Variants in AKAP13 observed in about 807,000 individuals in gnomAD.
The protein encoded by AKAP13 is A-kinase anchoring protein 13, also known as A-kinase anchor protein 13.
In AKAP13, 80 loss-of-function variants were observed where a neutral mutation model predicts 264.5. That is an observed-to-expected ratio of 0.30 (90% confidence interval 0.25 to 0.36). AKAP13 has a LOEUF of 0.36. Among genes scored for constraint, AKAP13 ranks in the 10% least tolerant of loss-of-function variants. The probability of loss-of-function intolerance (pLI) is 1.00; values close to 1 mark genes in which losing one functional copy is unlikely to be tolerated. For synonymous variants in AKAP13, 1,380 were observed against 1,250.2 expected (o/e 1.10, Z -2.19); for missense variants, 3,712 against 3,435.2 (o/e 1.08, Z -2.01).
chr15:85,744,142 T>C (rs1405943934), intron 36 of AKAP13: 2 of 357,402 alleles, frequency 5.6e-6, no homozygotes, highest in African/African-American at 2.1e-5. Context: ...AGAGTAGTCA[T>C]TGGTAACAGC....
chr15:85,438,331 T>C (rs1009106871), intron 1 of AKAP13, among the ~76,000 whole-genome samples: 8 of 147,906 alleles, frequency 5.4e-5, no homozygotes, highest in African/African-American at 2.0e-4. Flanking sequence ...TACAAACAAA[T>C]GGAAGAACAT....
chr15:85,579,725 C>T lies in AKAP13; in HGVS notation c.1657C>T (p.Leu553Phe). ...TGGTAACAAACCTGCTGAGTCTTCA[C>T]TTGCATTTAGTAATGAAGAAACCTC... Reference protein sequence around the residue: ...LDGNKPAESSLAFSNEETSTE... With the variant: ...LDGNKPAESSFAFSNEETSTE... Residue 553 changes from leucine to phenylalanine, a missense_variant, in exon 7 of 37, where the codon CTT becomes TTT. Transcript: ENST00000394518. The T allele has an allele frequency of 1.2e-6, 2 of 1,614,208 alleles. No homozygotes were observed. The highest frequency in any genetic ancestry group is 1.1e-5 in the South Asian group (1 of 91,090).
At chr15:85,529,277 G>A (rs1382566449) in intron 3 of AKAP13, among the ~76,000 whole-genome samples, 1 of 152,082 alleles carries the variant, frequency 6.6e-6, no homozygotes. Context: ...AAAAATTAGC[G>A]GGGCATGGTG....
In AKAP13 at chr15:85,668,684, A is replaced by G. The variant is rs570275766; in HGVS notation, c.4993-1038A>G. ...AGGCCAGGCCTGGTGGTTCACACCT[A>G]TAATCCCAGCACTTTGGGAGGCTGA... On this transcript the variant is annotated intron_variant, in intron 13 of 36. Coordinates refer to ENST00000394518, the MANE Select transcript of AKAP13 (RefSeq NM_007200.5). Among the ~76,000 whole-genome samples, 18 of 152,326 alleles carry G rather than the reference A, an allele frequency of 1.2e-4. No individual in the cohort carries two copies. The East Asian group carries it at 3.1e-3, about 26-fold the overall frequency.
At chr15:85,462,097 G>A (rs2074542036) in intron 1 of AKAP13, among the ~76,000 whole-genome samples, 1 of 152,162 alleles carries the variant, frequency 6.6e-6, no homozygotes, top group African/African-American at 2.4e-5. Flanking sequence ...AGTGGTTTCT[G>A]GAGGGCAGTT....
At chr15:85,461,428 A>G (rs371540372) in intron 1 of AKAP13, among the ~76,000 whole-genome samples, 1 of 151,978 alleles carries the variant, frequency 6.6e-6, no homozygotes, top group East Asian at 1.9e-4. Flanking sequence ...TTATAATTTC[A>G]TCTCTATCCT....
At chr15:85,668,492 G>A (rs746398849) in intron 13 of AKAP13, among the ~76,000 whole-genome samples, 10 of 152,210 alleles carry the variant, frequency 6.6e-5, no homozygotes, top group Non-Finnish European at 1.3e-4. Flanking sequence ...AATTTACTGA[G>A]AGAGTTAAAT....
intron 9 of AKAP13, among the ~76,000 whole-genome samples, chr15:85,640,163 C>G (rs916033223): frequency 6.6e-5 from 10 of 152,196 alleles, no homozygotes; most frequent in Non-Finnish European, 1.2e-4. Context: ...CGTTGTCTCC[C>G]TCCCATCTGT....
intron 8 of AKAP13, among the ~76,000 whole-genome samples, chr15:85,595,946 TTTCCA>T (rs2079806293): frequency 6.6e-6 from 1 of 152,254 alleles, no homozygotes; most frequent in Non-Finnish European, 1.5e-5. Flanking sequence ...TGTTTAAATA[TTTCCA>T]TTCAGCCATT....
intron 19 of AKAP13, 38 bp downstream of exon 19, chr15:85,710,683 C>T (rs777286580): frequency 1.9e-6 from 3 of 1,591,358 alleles, no homozygotes; most frequent in South Asian, 2.3e-5. Flanking sequence ...CCCTTTCTGA[C>T]TTTCTGGTTC....
chr15:85,396,563 TG>T (rs2071123102), intron 1 of AKAP13, among the ~76,000 whole-genome samples: 1 of 152,196 alleles, frequency 6.6e-6, no homozygotes, highest in Non-Finnish European at 1.5e-5. Flanking sequence ...ATAATATGTT[TG>T]TCCTAGTTGT....
At chr15:85,468,917 A>ATTT (rs924610338) in intron 1 of AKAP13, among the ~76,000 whole-genome samples, 1 of 133,088 alleles carries the variant, frequency 7.5e-6, no homozygotes, top group African/African-American at 3.0e-5. Flanking sequence ...AGGTGTGTAA[A>ATTT]TTTTTTTTTT....
At chr15:85,396,021 TACAC>T (rs57665297) in intron 1 of AKAP13, among the ~76,000 whole-genome samples, 104 of 150,396 alleles carry the variant, frequency 6.9e-4, no homozygotes, top group Admixed American at 1.3e-3. Context: ...TATACATACA[TACAC>T]ACACACACAC....
intron 8 of AKAP13, among the ~76,000 whole-genome samples, chr15:85,619,204 T>C (rs1177125951): frequency 6.6e-6 from 1 of 152,002 alleles, no homozygotes; most frequent in East Asian, 1.9e-4. Context: ...AGCCTTGTTT[T>C]TCTCTTCGTC....
Position 85,521,445 on chromosome 15 carries a change from A to G in AKAP13, c.51A>G (p.Thr17=). ...QAPLYGDCVV[T]VLLAEEDKAE... is the part of the protein sequence containing the mutation. ...TTTCCTAGGGTGATTGTGTTGTTAC[A>G]GTGCTGCTTGCTGAAGAGGACAAAG... is the stretch of plus-strand genomic sequence containing the variant. Residue 17 remains threonine (T), a synonymous_variant, in exon 3 of 37, where the codon ACA becomes ACG. Transcript: ENST00000394518. The G allele has an allele frequency of 6.2e-7, 1 of 1,614,114 alleles. No homozygotes were observed. The highest frequency in any genetic ancestry group is 8.5e-7 in the Non-Finnish European group (1 of 1,179,984).
At chr15:85,667,829 G>T (rs949700005) in intron 13 of AKAP13, among the ~76,000 whole-genome samples, 1 of 152,178 alleles carries the variant, frequency 6.6e-6, no homozygotes, top group African/African-American at 2.4e-5. Context: ...TATTATTTAT[G>T]TGATACCTTT....
intron 5 of AKAP13, among the ~76,000 whole-genome samples, chr15:85,552,141 C>T (rs1318745515): frequency 6.6e-6 from 1 of 152,230 alleles, no homozygotes; most frequent in Non-Finnish European, 1.5e-5. Flanking sequence ...TACAACCAAT[C>T]CTATGCATTT....
Position 85,735,096 on chromosome 15 carries a change from C to G in AKAP13, c.7387C>G (p.Arg2463Gly). ...QDVVGPVSLP[R>G]RAETFGGFDS... ...TGTGGTCGGTCCCGTTTCCCTGCCCCGGAGAGCAGAGACCTTTGGAGGATT... is the reference window on the plus strand; with the variant it reads ...TGTGGTCGGTCCCGTTTCCCTGCCCGGGAGAGCAGAGACCTTTGGAGGATT... The change falls in exon 31 of 37, where the codon CGG becomes GGG. Residue 2463 changes from arginine to glycine, a missense_variant. Around this residue, in one of 3 missense-constraint regions of AKAP13, gnomAD observed 611 missense variants for 539.3 expected, o/e 1.13. Coordinates refer to ENST00000394518, the MANE Select transcript of AKAP13 (RefSeq NM_007200.5). The G allele has an allele frequency of 6.2e-7, 1 of 1,614,132 alleles. No homozygotes were observed. Among genetic ancestry groups the G allele is most frequent in the South Asian group, 1.1e-5 (1 of 91,078 alleles).
intron 1 of AKAP13, among the ~76,000 whole-genome samples, chr15:85,392,773 G>C (rs1394713680): frequency 1.1e-4 from 17 of 152,146 alleles, no homozygotes; most frequent in Admixed American, 6.5e-4. Context: ...CTTCCCACCA[G>C]GCTAATCGTG....
Sources: gnomAD v4.1 joint callset for allele counts (sites outside exome capture counted in the v4.1 genomes callset) on GRCh38, gnomAD v4.1.1 for gene constraint, gnomAD v4.1.1 regional missense constraint, MANE v1.5 for transcripts, NCBI Gene and HGNC (gene_info 2026-07-23, HGNC 2026-07-21) for gene names.